Variants in PARD3B observed in about 807,000 individuals in gnomAD.
The protein encoded by PARD3B is partitioning defective 3 homolog B.
In PARD3B, 103 loss-of-function variants were observed where a neutral mutation model predicts 130.2. That is an observed-to-expected ratio of 0.79 (90% CI 0.67 to 0.93). The LOEUF is 0.93. PARD3B is among the 40% of genes least tolerant of loss of function. The probability of loss-of-function intolerance (pLI) is 0.00; values close to 1 mark genes in which losing one functional copy is unlikely to be tolerated. For missense variants in PARD3B, 1,609 were observed against 1,499.2 expected, an observed-to-expected ratio of 1.07 and a Z score of -1.21; for synonymous variants, 583 against 553.2, an observed-to-expected ratio of 1.05 and a Z score of -0.76.
At chr2:205,432,248 C>T (rs1210510133) in intron 19 of PARD3B, among the ~76,000 whole-genome samples, 1 of 152,188 alleles carries the variant, frequency 6.6e-6, no homozygotes, top group Non-Finnish European at 1.5e-5. Flanking sequence ...TAATAACCCC[C>T]TAACTGTTCT....
At chr2:205,386,914 A>G (rs186944336) in intron 18 of PARD3B, among the ~76,000 whole-genome samples, 12 of 152,304 alleles carry the variant, frequency 7.9e-5, no homozygotes, top group Admixed American at 2.6e-4. Context: ...TTTTTAAACC[A>G]ATAAAAATAT....
At chr2:205,436,105 G>C (rs368577238) in intron 19 of PARD3B, among the ~76,000 whole-genome samples, 3 of 152,268 alleles carry the variant, frequency 2.0e-5, no homozygotes, top group East Asian at 3.9e-4. Flanking sequence ...CAGAACAATG[G>C]AATAGCAAAG....
At chr2:205,513,320 G>A (rs2050664019) in intron 21 of PARD3B, among the ~76,000 whole-genome samples, 1 of 152,012 alleles carries the variant, frequency 6.6e-6, no homozygotes. Flanking sequence ...AAAATGGATA[G>A]CTTTCTCCTT....
intron 18 of PARD3B, among the ~76,000 whole-genome samples, chr2:205,368,855 G>GAA: frequency 1.3e-5 from 1 of 75,860 alleles, no homozygotes. Context: ...GGGAGCTTGG[G>GAA]AAAACAAAAA....
At chr2:204,690,040 T>G (rs1205780688) in intron 2 of PARD3B, among the ~76,000 whole-genome samples, 1 of 152,178 alleles carries the variant, frequency 6.6e-6, no homozygotes, top group East Asian at 1.9e-4. Context: ...CCATACATAT[T>G]TAATATATTT....
At chr2:205,048,462 CAGAT>C (rs1698953230) in intron 4 of PARD3B, 1 of 152,194 alleles carries the variant, frequency 6.6e-6, no homozygotes, top group Admixed American at 6.5e-5. Flanking sequence ...ATAATCCTCT[CAGAT>C]AGCCTGAGAA....
chr2:205,031,385 T>C (rs1697412234), intron 3 of PARD3B, among the ~76,000 whole-genome samples: 1 of 152,152 alleles, frequency 6.6e-6, no homozygotes, highest in South Asian at 2.1e-4. Context: ...GTAGGCCTTT[T>C]TTGAAAATAG....
At chr2:204,997,757 T>G in intron 3 of PARD3B, among the ~76,000 whole-genome samples, 1 of 151,764 alleles carries the variant, frequency 6.6e-6, no homozygotes, top group Non-Finnish European at 1.5e-5. Flanking sequence ...TTGGATAGAA[T>G]GAGTGATAGC....
intron 1 of PARD3B, among the ~76,000 whole-genome samples, chr2:204,555,931 A>T (rs537168134): frequency 6.6e-6 from 1 of 152,066 alleles, no homozygotes; most frequent in African/African-American, 2.4e-5. Flanking sequence ...CCCTTCCCTG[A>T]TTTACTTCTA....
intron 1 of PARD3B, among the ~76,000 whole-genome samples, chr2:204,658,039 C>T (rs1004389187): frequency 6.6e-6 from 1 of 152,084 alleles, no homozygotes; most frequent in African/African-American, 2.4e-5. Flanking sequence ...ATGATCTAAG[C>T]CTATCAGGTC....
At position 204,820,071 on chromosome 2, in the gene PARD3B, C is replaced by CTTTTT. The variant is rs557143420; in HGVS notation, c.222+133806_222+133810dup. Among the ~76,000 whole-genome samples, 163 of 98,418 alleles carry CTTTTT rather than the reference C, an allele frequency of 1.7e-3. 24 individuals carry two copies. The highest frequency in any genetic ancestry group is 6.4e-3 in the African/African-American group (144 of 22,444). The allele number at this position is 98,418 out of a possible 152,430, so 64.6% of individuals were successfully genotyped here. On this transcript the variant is annotated intron_variant, in intron 2 of 22. Transcript: ENST00000406610. Reference sequence around the variant, plus strand: ...GAAGGTGGCTACATTAAACAATAGACTTTTTTTTTTTTTTTTTTTTTGAGA... The same window carrying CTTTTT: ...GAAGGTGGCTACATTAAACAATAGACTTTTTTTTTTTTTTTTTTTTTTTTTTGAGA...
At chr2:205,123,098 A>G (rs751827646) in intron 8 of PARD3B, among the ~76,000 whole-genome samples, 9 of 152,226 alleles carry the variant, frequency 5.9e-5, no homozygotes, top group Admixed American at 1.3e-4. Flanking sequence ...GGCAAGATTA[A>G]TCTGACAGCA....
At chr2:204,685,230 C>G (rs540966030) in intron 1 of PARD3B, among the ~76,000 whole-genome samples, 2 of 152,008 alleles carry the variant, frequency 1.3e-5, no homozygotes, top group African/African-American at 2.4e-5. Context: ...GGTATCTGTT[C>G]GTTTATTGGA....
chr2:204,954,871 A>G (rs1326727593), intron 2 of PARD3B, among the ~76,000 whole-genome samples: 1 of 152,218 alleles, frequency 6.6e-6, no homozygotes, highest in Non-Finnish European at 1.5e-5. Flanking sequence ...TCAACCTATC[A>G]GTTCTTTATT....
intron 19 of PARD3B, among the ~76,000 whole-genome samples, chr2:205,403,604 A>G (rs570204683): frequency 3.7e-4 from 56 of 152,314 alleles, no homozygotes; most frequent in Admixed American, 6.5e-4. Flanking sequence ...AGAATGAATC[A>G]TTAGAAGACC....
rs903740900 is a variant in PARD3B, at chr2:205,564,366, C to T, written c.3260+10963C>T. 2.0e-5 allele frequency among the ~76,000 whole-genome samples: 3 copies of T among 152,180 alleles called. No homozygotes were observed. The highest frequency in any genetic ancestry group is 2.9e-5 in the Non-Finnish European group (2 of 68,044). On this transcript the variant is annotated intron_variant, in intron 22 of 22. Coordinates refer to ENST00000406610, the MANE Select transcript of PARD3B (RefSeq NM_001302769.2). The surrounding 1 kb of genome is among the most constrained non-coding windows in gnomAD (Gnocchi z 4.6). ...CTTTCAGAATGACTAAGAACAGCAACCACTGAATCACAGAACTCCTCTTAG... is the reference window on the plus strand; with the variant it reads ...CTTTCAGAATGACTAAGAACAGCAATCACTGAATCACAGAACTCCTCTTAG...
chr2:204,897,376 G>A (rs2046674948), intron 2 of PARD3B, among the ~76,000 whole-genome samples: 1 of 122,480 alleles, frequency 8.2e-6, no homozygotes, highest in Admixed American at 9.7e-5. Flanking sequence ...TATTAAACCT[G>A]TAGGTACTGT....
chr2:205,054,251 A>C (rs1699434697), intron 4 of PARD3B, among the ~76,000 whole-genome samples: 2 of 151,244 alleles, frequency 1.3e-5, no homozygotes, highest in Non-Finnish European at 2.9e-5. Context: ...CTGTACCATG[A>C]CTAATCAAGG....
intron 2 of PARD3B, among the ~76,000 whole-genome samples, chr2:204,838,349 A>G (rs995103868): frequency 3.0e-5 from 4 of 135,338 alleles, no homozygotes; most frequent in South Asian, 5.2e-4. Context: ...TACCTGGCTA[A>G]TGTGTGTGTG....
Sources: allele counts gnomAD v4.1 joint callset (sites outside exome capture counted in the v4.1 genomes callset), GRCh38; gene constraint gnomAD v4.1.1; non-coding constraint Gnocchi (gnomAD v3.1); transcripts MANE v1.5; gene names NCBI Gene and HGNC (gene_info 2026-07-23, HGNC 2026-07-21).